Variants in IHO1 observed in about 807,000 individuals in gnomAD.
The protein encoded by IHO1 is interactor of HORMAD1 1.
In IHO1, 13 loss-of-function variants were observed where a neutral mutation model predicts 31.0. The ratio of observed to expected loss-of-function variants is 0.42; its 90% CI spans 0.27 to 0.67. The LOEUF (loss-of-function observed/expected upper bound fraction) is 0.67. Among genes scored for constraint, IHO1 ranks in the 30% least tolerant of loss-of-function variants. IHO1 has a pLI of 0.24. For synonymous variants in IHO1, 221 were observed against 248.4 expected, an observed-to-expected ratio of 0.89 and a Z score of 1.04; for missense variants, 599 against 687.5, an observed-to-expected ratio of 0.87 and a Z score of 1.44.
At chr3:49,196,680 A>ATT (rs36095141), upstream of IHO1, among the ~76,000 whole-genome samples, 1 of 126,284 alleles carries the variant, frequency 7.9e-6, no homozygotes, top group Non-Finnish European at 1.7e-5. Context: ...TGATTGATTG[A>ATT]TTTTTTTTGA....
chr3:49,220,183 A>C (rs1163802382), intron 2 of IHO1, among the ~76,000 whole-genome samples: 1 of 152,234 alleles, frequency 6.6e-6, no homozygotes, highest in Non-Finnish European at 1.5e-5. Flanking sequence ...CAACAGGGAA[A>C]TATTATAGCT....
Position 49,241,347 on chromosome 3 carries a change from A to G in IHO1, c.353A>G (p.Gln118Arg). The part of the protein sequence containing the change: ...SVGKSKGLLE[Q>R]FEEKKKRAKD... ...GGAAAATCAAAAGGCCTCTTGGAAC[A>G]GTTTGAGGAGAAAAAGAAAAGGGCA... is the stretch of plus-strand genomic sequence containing the variant. Residue 118 changes from glutamine to arginine, a missense_variant, in exon 4 of 8, where the codon CAG becomes CGG. Gln to Arg is a conservative substitution (Grantham distance 43). Transcript: ENST00000452691. 1 of 1,612,290 alleles carries G rather than the reference A, an allele frequency of 6.2e-7. No individual in the cohort carries two copies. Among genetic ancestry groups the G allele is most frequent in the Non-Finnish European group, 8.5e-7 (1 of 1,179,406 alleles).
At chr3:49,217,232 C>G (rs1307593497) in intron 2 of IHO1, among the ~76,000 whole-genome samples, 1 of 152,024 alleles carries the variant, frequency 6.6e-6, no homozygotes, top group African/African-American at 2.4e-5. Context: ...AGACTTGGAA[C>G]TAACCCAAAT....
At chr3:49,201,558 G>A (rs757213089) in intron 1 of IHO1, among the ~76,000 whole-genome samples, 9 of 152,238 alleles carry the variant, frequency 5.9e-5, no homozygotes, top group African/African-American at 1.4e-4. Flanking sequence ...GGGAGATGGA[G>A]GTTGCAGTGA....
In IHO1 at chr3:49,256,192, C is replaced by G; in HGVS notation, c.695C>G (p.Ala232Gly). 1.2e-6 allele frequency: 2 copies of G among 1,614,012 alleles called. No individual in the cohort carries two copies. The highest frequency in any genetic ancestry group is 1.1e-5 in the South Asian group (1 of 91,056). ...CTGAAGCACCTTGAAGTTTTAGTTG[C>G]TCAGCAGAGTCAGGAATTCCAGCAG... ...SNLKHLEVLV[A>G]QQSQEFQQLC... Residue 232 changes from alanine (A) to glycine (G), a missense_variant, in exon 8 of 8, where the codon GCT becomes GGT. By Grantham distance (60) the Ala-to-Gly change is moderately conservative. Transcript: ENST00000452691. This position sits in a 1 kb window ranked among gnomAD's most constrained non-coding sequence, Gnocchi z 4.6.
chr3:49,194,661 C>T (rs1447230691), upstream of IHO1, among the ~76,000 whole-genome samples: 1 of 150,106 alleles, frequency 6.7e-6, no homozygotes, highest in Non-Finnish European at 1.5e-5. Flanking sequence ...TTTGGGAGGC[C>T]GAGGTGGGCG....
At chr3:49,196,463 C>T (rs1459958570), upstream of IHO1, among the ~76,000 whole-genome samples, 6 of 147,390 alleles carry the variant, frequency 4.1e-5, no homozygotes, top group Non-Finnish European at 9.0e-5. Context: ...AGACTATAGG[C>T]GCCCACCACC....
At chr3:49,196,907 T>C (rs905007122), upstream of IHO1, among the ~76,000 whole-genome samples, 3 of 151,576 alleles carry the variant, frequency 2.0e-5, no homozygotes, top group African/African-American at 4.8e-5. Context: ...CCTGACCTCG[T>C]GATCTGCCCG....
chr3:49,212,042 T>TA (rs1252990511), intron 2 of IHO1, among the ~76,000 whole-genome samples: 2 of 151,518 alleles, frequency 1.3e-5, no homozygotes, highest in African/African-American at 4.9e-5. Flanking sequence ...CGGGTGCCTA[T>TA]AGTCCCAGCT....
intron 2 of IHO1, among the ~76,000 whole-genome samples, chr3:49,224,388 C>T (rs990484418): frequency 3.3e-5 from 5 of 152,224 alleles, no homozygotes; most frequent in Admixed American, 2.0e-4. Flanking sequence ...AAGACTGCCA[C>T]CTCCTTGGGT....
At chr3:49,192,024 C>T in the IHO1 span, among the ~76,000 whole-genome samples, 15,147 of 152,232 alleles carry the variant, frequency 0.099, 835 homozygotes, top group Middle Eastern at 0.11. Context: ...TATATAGAAA[C>T]ACACAGGGCT....
intron 4 of IHO1, 127 bp from the exon 5 acceptor site, chr3:49,244,277 A>C: frequency 1.5e-6 from 1 of 666,538 alleles, no homozygotes; most frequent in Non-Finnish European, 2.7e-6. Context: ...TCAAGTCTTC[A>C]GATCTAATCA....
At chr3:49,202,286 A>G (rs1163107885) in intron 1 of IHO1, among the ~76,000 whole-genome samples, 1 of 151,228 alleles carries the variant, frequency 6.6e-6, no homozygotes, top group African/African-American at 2.4e-5. Flanking sequence ...AAAGCAGGGG[A>G]GAGCCATAGT....
chr3:49,257,186 C>G lies in IHO1; in HGVS notation c.1689C>G (p.Leu563=), dbSNP rs761087982. 6.2e-7 allele frequency: 1 copy of G among 1,614,172 alleles called. No individual in the cohort carries two copies. Among genetic ancestry groups the G allele is most frequent in the South Asian group, 1.1e-5 (1 of 91,088 alleles). Residue 563 remains leucine, a synonymous_variant, in exon 8 of 8, where the codon CTC becomes CTG. Transcript: ENST00000452691. ...GDHQMSWFSD[L]NLGCSETPLC... is the part of the protein sequence containing the mutation. ...ACCAGATGAGCTGGTTCAGTGACCT[C>G]AATCTCGGATGTTCAGAGACCCCTC...
intron 1 of IHO1, among the ~76,000 whole-genome samples, chr3:49,207,240 T>C (rs2046150286): frequency 6.6e-6 from 1 of 151,634 alleles, no homozygotes; most frequent in Non-Finnish European, 1.5e-5. Flanking sequence ...TTTTTTTCTT[T>C]CTGGTGAGGT....
At chr3:49,255,585 A>AAAGC in intron 7 of IHO1, 92 bp downstream of exon 7, 1 of 731,550 alleles carries the variant, frequency 1.4e-6, no homozygotes, top group Non-Finnish European at 2.1e-6. Context: ...TTTTTGAGAC[A>AAAGC]GAGTCTCGCT....
chr3:49,237,950 A>AG (rs2046580537), intron 3 of IHO1, among the ~76,000 whole-genome samples: 1 of 117,248 alleles, frequency 8.5e-6, no homozygotes, highest in Non-Finnish European at 1.6e-5. Flanking sequence ...ACCTGGGCCG[A>AG]GGTCCAGTGG....
intron 2 of IHO1, among the ~76,000 whole-genome samples, chr3:49,223,301 T>G (rs2046376821): frequency 6.6e-6 from 1 of 152,166 alleles, no homozygotes; most frequent in Non-Finnish European, 1.5e-5. Context: ...TTCATTTGCT[T>G]TCTCGACCTT....
chr3:49,221,220 G>C (rs935373532), intron 2 of IHO1, among the ~76,000 whole-genome samples: 10 of 152,108 alleles, frequency 6.6e-5, no homozygotes, highest in Non-Finnish European at 1.3e-4. Flanking sequence ...TAGACACAGA[G>C]CGCTGATTGG....
Sources: gnomAD v4.1 joint callset for allele counts (sites outside exome capture counted in the v4.1 genomes callset) on GRCh38, gnomAD v4.1.1 for gene constraint, Gnocchi (gnomAD v3.1) non-coding constraint, MANE v1.5 for transcripts, NCBI Gene and HGNC (gene_info 2026-07-23, HGNC 2026-07-21) for gene names.